Variants in ADK observed in about 807,000 individuals in gnomAD.
The protein encoded by ADK is adenosine kinase.
In ADK, 24 loss-of-function variants were observed where a neutral mutation model predicts 44.7. The ratio of observed to expected loss-of-function variants is 0.54; its 90% CI spans 0.39 to 0.76. The LOEUF (loss-of-function observed/expected upper bound fraction) is 0.76, where lower values mean the gene tolerates loss of function less well. Ranked by LOEUF, ADK falls within the 30% of genes least tolerant of loss-of-function variation. ADK has a pLI of 0.00. For missense variants in ADK, 321 were observed against 425.1 expected (o/e 0.76, Z 2.15); for synonymous variants, 128 against 142.6 (o/e 0.90, Z 0.73).
rs528509829 is a variant in ADK, at chr10:74,177,572, C to T, written c.66-23192C>T. Among the ~76,000 whole-genome samples, 439 of 152,164 alleles carry T rather than the reference C, an allele frequency of 2.9e-3. 1 individual carries two copies. Among genetic ancestry groups the T allele is most frequent in the Non-Finnish European group, 5.2e-3 (354 of 68,006 alleles). ...AATGAGGACAGGATAATGGGCTTGT[C>T]CACTTTCTCCCAGTAGCCTTGACTG... On this transcript the variant is annotated intron_variant, in intron 1 of 10. Transcript: ENST00000539909.
At chr10:74,283,846 A>G (rs1222132351) in intron 3 of ADK, among the ~76,000 whole-genome samples, 1 of 150,822 alleles carries the variant, frequency 6.6e-6, no homozygotes, top group Non-Finnish European at 1.5e-5. Context: ...ACGCCTGGCT[A>G]ATTTTTTGTA....
At chr10:74,472,408 A>T (rs1442816007) in intron 6 of ADK, among the ~76,000 whole-genome samples, 2 of 152,042 alleles carry the variant, frequency 1.3e-5, no homozygotes, top group Non-Finnish European at 2.9e-5. Context: ...GCATCAATAG[A>T]GATGTCATCT....
intron 6 of ADK, chr10:74,423,661 A>G (rs757614792): frequency 1.7e-5 from 7 of 415,032 alleles, no homozygotes; most frequent in Admixed American, 2.7e-5. Flanking sequence ...CTTGCTGGCC[A>G]GGTCTGCCTT....
intron 10 of ADK, among the ~76,000 whole-genome samples, chr10:74,686,208 G>A (rs1036778709): frequency 2.6e-5 from 4 of 151,968 alleles, no homozygotes; most frequent in Admixed American, 6.6e-5. Flanking sequence ...TGATCTGCCC[G>A]CCTAGGCCTC....
At chr10:74,413,402 C>A (rs991332060) in intron 6 of ADK, among the ~76,000 whole-genome samples, 6 of 152,192 alleles carry the variant, frequency 3.9e-5, no homozygotes, top group African/African-American at 1.2e-4. Context: ...TTGGCAAGAT[C>A]TGGGTAACTC....
At chr10:74,432,143 A>T (rs1393210371) in intron 6 of ADK, among the ~76,000 whole-genome samples, 1 of 151,770 alleles carries the variant, frequency 6.6e-6, no homozygotes, top group African/African-American at 2.4e-5. Flanking sequence ...GCAGTGATCC[A>T]TGGTTGCACC....
chr10:74,190,702 A>G (rs1468355524), intron 1 of ADK, among the ~76,000 whole-genome samples: 3 of 152,142 alleles, frequency 2.0e-5, no homozygotes, highest in Non-Finnish European at 4.4e-5. Context: ...AGTCAGCTCA[A>G]ATAATAACTG....
At position 74,584,520 on chromosome 10, in the gene ADK, A is replaced by G. The variant is rs537531460; in HGVS notation, c.727-4762A>G. Among the ~76,000 whole-genome samples, 4 of 152,316 alleles carry G rather than the reference A, an allele frequency of 2.6e-5. No individual in the cohort carries two copies. In the South Asian group the frequency reaches 8.3e-4, roughly 32 times the overall value. On this transcript the variant is annotated intron_variant, in intron 7 of 10. Transcript: ENST00000539909. The stretch of plus-strand genomic sequence containing the variant: ...GCACTTAAAGCCATTCAAGGAGAAT[A>G]TTATACCTCTAAATTTATATACAAT...
At chr10:74,365,427 G>A (rs1485075956) in intron 4 of ADK, among the ~76,000 whole-genome samples, 1 of 152,118 alleles carries the variant, frequency 6.6e-6, no homozygotes, top group Non-Finnish European at 1.5e-5. Flanking sequence ...TCGTGGAGGT[G>A]CATCCCATTT....
At chr10:74,269,139 A>G (rs908995692) in intron 3 of ADK, among the ~76,000 whole-genome samples, 2 of 152,290 alleles carry the variant, frequency 1.3e-5, no homozygotes, top group African/African-American at 2.4e-5. Context: ...TGTATTTATC[A>G]TAATTTTTTT....
intron 1 of ADK, among the ~76,000 whole-genome samples, chr10:74,195,882 G>T (rs1843127395): frequency 6.6e-6 from 1 of 151,616 alleles, no homozygotes; most frequent in African/African-American, 2.4e-5. Flanking sequence ...TCGCCATGTT[G>T]CCCAGGCTGG....
intron 9 of ADK, chr10:74,656,227 C>T (rs1317041071): frequency 5.1e-6 from 1 of 196,288 alleles, no homozygotes; most frequent in Non-Finnish European, 1.0e-5. Context: ...GTTGAGCCCA[C>T]CCACTCCAGC....
chr10:74,362,080 C>T (rs556094868), intron 4 of ADK, among the ~76,000 whole-genome samples: 1 of 152,146 alleles, frequency 6.6e-6, no homozygotes, highest in East Asian at 1.9e-4. Flanking sequence ...GATCTTTGAC[C>T]TTAGTCTACC....
chr10:74,685,832 C>G (rs183215509), intron 10 of ADK, among the ~76,000 whole-genome samples: 24 of 152,014 alleles, frequency 1.6e-4, no homozygotes, highest in African/African-American at 4.8e-5. Context: ...ACTGTTTACT[C>G]TGACTCCTTC....
chr10:74,578,163 C>T (rs1157835879), intron 7 of ADK, among the ~76,000 whole-genome samples: 1 of 152,154 alleles, frequency 6.6e-6, no homozygotes, highest in Non-Finnish European at 1.5e-5. Flanking sequence ...ATTAGAAAAG[C>T]ACTTAACAAG....
At chr10:74,171,600 C>A (rs1842160756) in intron 1 of ADK, among the ~76,000 whole-genome samples, 1 of 152,098 alleles carries the variant, frequency 6.6e-6, no homozygotes, top group South Asian at 2.1e-4. Context: ...ACTATTCAGA[C>A]CCACTTATCT....
intron 4 of ADK, chr10:74,371,620 A>T (rs181291738): frequency 2.9e-6 from 3 of 1,022,444 alleles, no homozygotes; most frequent in Admixed American, 1.7e-5. Flanking sequence ...GGTGGTACCA[A>T]TCTTGACTTC....
chr10:74,361,078 T>C (rs1842321506), intron 4 of ADK, among the ~76,000 whole-genome samples: 1 of 152,150 alleles, frequency 6.6e-6, no homozygotes, highest in Non-Finnish European at 1.5e-5. Flanking sequence ...TGGCTAATTT[T>C]TGTATTTTTA....
intron 4 of ADK, among the ~76,000 whole-genome samples, chr10:74,357,963 A>G (rs1197048477): frequency 6.6e-6 from 1 of 152,226 alleles, no homozygotes. Flanking sequence ...AATGACCTTG[A>G]TAAAAATGAA....
Sources: gnomAD v4.1 joint callset for allele counts (sites outside exome capture counted in the v4.1 genomes callset) on GRCh38, gnomAD v4.1.1 for gene constraint, MANE v1.5 for transcripts, NCBI Gene and HGNC (gene_info 2026-07-23, HGNC 2026-07-21) for gene names.